Variants in HCRTR2 observed in about 807,000 individuals in gnomAD.
HCRTR2 encodes the protein hypocretin receptor 2, also known as orexin receptor type 2.
Under a neutral mutation model 49.0 loss-of-function variants are expected in HCRTR2, and 22 were observed. The observed-to-expected ratio is 0.45, with a 90% CI of 0.32 to 0.64. HCRTR2 has a LOEUF of 0.64. Among genes scored for constraint, HCRTR2 ranks in the 30% least tolerant of loss-of-function variants. The probability of loss-of-function intolerance (pLI) is 0.04; values close to 1 mark genes in which losing one functional copy is unlikely to be tolerated. For synonymous variants in HCRTR2, 236 were observed against 205.3 expected (o/e 1.15, Z -1.28); for missense variants, 491 against 559.4 (o/e 0.88, Z 1.23).
intron 1 of HCRTR2, among the ~76,000 whole-genome samples, chr6:55,129,910 T>C (rs1028947693): frequency 2.0e-5 from 3 of 152,058 alleles, no homozygotes; most frequent in Non-Finnish European, 4.4e-5. Flanking sequence ...GTCTCCCTAC[T>C]CTTCTATTTC....
At chr6:55,177,326 G>A (rs985268955) in intron 1 of HCRTR2, among the ~76,000 whole-genome samples, 1 of 152,208 alleles carries the variant, frequency 6.6e-6, no homozygotes, top group Non-Finnish European at 1.5e-5. Context: ...CTGCCTGAAA[G>A]TTGATGAGGT....
intron 4 of HCRTR2, among the ~76,000 whole-genome samples, chr6:55,272,597 C>CA (rs570850175): frequency 8.3e-5 from 12 of 144,864 alleles, no homozygotes; most frequent in Non-Finnish European, 1.7e-4. Flanking sequence ...AAATTGAAGA[C>CA]TTTTTTTTTT....
chr6:55,108,312 C>T (rs943136296), intron 1 of HCRTR2, among the ~76,000 whole-genome samples: 4 of 152,142 alleles, frequency 2.6e-5, no homozygotes, highest in East Asian at 3.9e-4. Context: ...ACATTATGAG[C>T]TTTTGCTCCA....
At position 55,174,849 on chromosome 6, in the gene HCRTR2, C is replaced by G. The variant is rs368082727; in HGVS notation, c.223+39C>G. On this transcript the variant is annotated intron_variant, in intron 1 of 6. Coordinates refer to ENST00000370862, the MANE Select transcript of HCRTR2 (RefSeq NM_001384272.1). ...CGGGCAGCCCTCCTAGGGGCTATCACCCCCTCTCCGCCCCGGGCTGAGAAG... is the reference window on the plus strand; with the variant it reads ...CGGGCAGCCCTCCTAGGGGCTATCAGCCCCTCTCCGCCCCGGGCTGAGAAG... 8.5e-6 allele frequency: 13 copies of G among 1,531,000 alleles called. No individual in the cohort carries two copies. The African/African-American group carries it at 1.4e-4, about 16-fold the overall frequency. The allele number at this position is 1,531,000 out of a possible 1,614,324, so 94.8% of individuals were successfully genotyped here. A position where few individuals can be genotyped will look rare whatever the true frequency, so the allele number is the denominator to read the frequency against.
At chr6:55,247,396 C>T (rs1479844427) in intron 1 of HCRTR2, among the ~76,000 whole-genome samples, 1 of 152,048 alleles carries the variant, frequency 6.6e-6, no homozygotes, top group African/African-American at 2.4e-5. Flanking sequence ...GAACATTTTC[C>T]AGCTTATGAA....
chr6:55,276,549 C>T (rs1027026405), intron 4 of HCRTR2, among the ~76,000 whole-genome samples: 7 of 152,156 alleles, frequency 4.6e-5, no homozygotes, highest in Non-Finnish European at 7.3e-5. Context: ...AAAAATTATG[C>T]ATGCTGAATT....
chr6:55,109,047 G>T (rs1356534134), intron 1 of HCRTR2, among the ~76,000 whole-genome samples: 1 of 152,042 alleles, frequency 6.6e-6, no homozygotes, highest in African/African-American at 2.4e-5. Flanking sequence ...CACGGCTGAG[G>T]GACCTGAAGA....
chr6:55,113,833 A>G (rs563194415), intron 1 of HCRTR2, among the ~76,000 whole-genome samples: 18 of 152,038 alleles, frequency 1.2e-4, no homozygotes, highest in African/African-American at 4.3e-4. Context: ...TGCAAAAAAG[A>G]CACTTGTGCA....
chr6:55,272,077 T>C (rs1169388347), intron 4 of HCRTR2, among the ~76,000 whole-genome samples: 1 of 152,114 alleles, frequency 6.6e-6, no homozygotes, highest in Admixed American at 6.5e-5. Flanking sequence ...TAACAGCATA[T>C]AATTCATAGT....
At chr6:55,230,295 G>T (rs1362849817) in intron 1 of HCRTR2, among the ~76,000 whole-genome samples, 1 of 152,122 alleles carries the variant, frequency 6.6e-6, no homozygotes, top group African/African-American at 2.4e-5. Flanking sequence ...TAAATGGTTT[G>T]CTTTATGGGC....
chr6:55,181,064 C>T (rs1005111681), intron 1 of HCRTR2, among the ~76,000 whole-genome samples: 1 of 151,928 alleles, frequency 6.6e-6, no homozygotes, highest in Non-Finnish European at 1.5e-5. Context: ...CCTCAGCCTC[C>T]CAAAATGCTG....
At chr6:55,140,399 T>C (rs1764491145) in intron 1 of HCRTR2, among the ~76,000 whole-genome samples, 1 of 152,148 alleles carries the variant, frequency 6.6e-6, no homozygotes, top group African/African-American at 2.4e-5. Flanking sequence ...TAGATTCAGT[T>C]ACTCTCCAAG....
At chr6:55,123,310 A>T (rs1249016747) in intron 1 of HCRTR2, among the ~76,000 whole-genome samples, 1 of 151,764 alleles carries the variant, frequency 6.6e-6, no homozygotes, top group Non-Finnish European at 1.5e-5. Flanking sequence ...ATCAATACCT[A>T]GTTTATTGAG....
intron 1 of HCRTR2, among the ~76,000 whole-genome samples, chr6:55,159,019 G>A (rs1308002451): frequency 3.3e-5 from 5 of 152,144 alleles, no homozygotes; most frequent in Admixed American, 1.3e-4. Flanking sequence ...GGGAGACACC[G>A]CACAGCAAGG....
At chr6:55,146,658 A>G (rs1451122649) in intron 1 of HCRTR2, among the ~76,000 whole-genome samples, 1 of 151,924 alleles carries the variant, frequency 6.6e-6, no homozygotes, top group Non-Finnish European at 1.5e-5. Context: ...ATTTGTCCAA[A>G]CTAATTTCTC....
chr6:55,270,967 T>C (rs1212312693), intron 4 of HCRTR2, among the ~76,000 whole-genome samples: 1 of 152,162 alleles, frequency 6.6e-6, no homozygotes, highest in East Asian at 1.9e-4. Context: ...AAAATAGAAA[T>C]AATCTTCAAA....
At chr6:55,257,314 A>C (rs1172002598) in intron 3 of HCRTR2, among the ~76,000 whole-genome samples, 1 of 152,078 alleles carries the variant, frequency 6.6e-6, no homozygotes, top group Non-Finnish European at 1.5e-5. Flanking sequence ...CCCTAGAAAG[A>C]TTATATTATT....
chr6:55,257,722 T>G (rs896850764), intron 3 of HCRTR2, among the ~76,000 whole-genome samples: 2 of 151,874 alleles, frequency 1.3e-5, no homozygotes, highest in South Asian at 4.2e-4. Context: ...ATGGACATTT[T>G]CATTAAAAAA....
intron 1 of HCRTR2, among the ~76,000 whole-genome samples, chr6:55,141,753 C>G (rs879712645): frequency 2.6e-5 from 4 of 151,860 alleles, no homozygotes; most frequent in Non-Finnish European, 5.9e-5. Context: ...AGAAATAAGG[C>G]AGGAAATAAA....
Sources: allele counts gnomAD v4.1 joint callset (sites outside exome capture counted in the v4.1 genomes callset), GRCh38; gene constraint gnomAD v4.1.1; transcripts MANE v1.5; gene names NCBI Gene and HGNC (gene_info 2026-07-23, HGNC 2026-07-21).